TTC17: variants seen among roughly 807,000 people sequenced by gnomAD.
The protein encoded by TTC17 is tetratricopeptide repeat domain 17.
Under a neutral mutation model 143.8 loss-of-function variants are expected in TTC17, and 58 were observed. The ratio of observed to expected loss-of-function variants is 0.40; its 90% CI spans 0.33 to 0.50. The LOEUF is 0.50. Among genes scored for constraint, TTC17 ranks in the 20% least tolerant of loss-of-function variants. TTC17 has a pLI of 0.49. For missense variants in TTC17, 1,273 were observed against 1,392.5 expected, an observed-to-expected ratio of 0.91 and a Z score of 1.37; for synonymous variants, 501 against 497.8, an observed-to-expected ratio of 1.01 and a Z score of -0.09.
intron 21 of TTC17, among the ~76,000 whole-genome samples, chr11:43,470,813 CA>C (rs1948078160): frequency 6.6e-6 from 1 of 152,132 alleles, no homozygotes; most frequent in Non-Finnish European, 1.5e-5. Flanking sequence ...AATAAGTTCC[CA>C]GGTGATACTG....
At chr11:43,481,138 C>A (rs1206881316) in intron 21 of TTC17, among the ~76,000 whole-genome samples, 1 of 152,114 alleles carries the variant, frequency 6.6e-6, no homozygotes, top group Non-Finnish European at 1.5e-5. Context: ...AGAATGACTA[C>A]ATAATGATAA....
chr11:43,469,723 A>T (rs1398125716), intron 21 of TTC17, among the ~76,000 whole-genome samples: 1 of 152,232 alleles, frequency 6.6e-6, no homozygotes. Flanking sequence ...CGCATGAAAG[A>T]ACTTTCTGGA....
At chr11:43,386,525 CTG>C (rs1204384117) in intron 2 of TTC17, among the ~76,000 whole-genome samples, 4 of 152,114 alleles carry the variant, frequency 2.6e-5, no homozygotes, top group Non-Finnish European at 5.9e-5. Context: ...TGGTACTTGA[CTG>C]TAGTTGATTG....
At position 43,369,478 on chromosome 11, in the gene TTC17, AC is replaced by A. The variant is rs769613308; in HGVS notation, c.160-9754del. Among the ~76,000 whole-genome samples, 3 of 152,318 alleles carry A rather than the reference AC, an allele frequency of 2.0e-5. No homozygotes were observed. In the East Asian group the frequency reaches 5.8e-4, roughly 29 times the overall value. The stretch of plus-strand genomic sequence containing the variant: ...CCAGTTGAGGGTAAAACTTTAGAAA[AC>A]AGGGATATAAGGCCATGGAAATTCA... On this transcript the variant is annotated intron_variant, in intron 1 of 23. Transcript: ENST00000039989.
intron 16 of TTC17, among the ~76,000 whole-genome samples, chr11:43,416,542 A>G (rs775379574): frequency 6.6e-6 from 1 of 152,152 alleles, no homozygotes; most frequent in Non-Finnish European, 1.5e-5. Context: ...TGTAACCTCA[A>G]CTGGTCCAGG....
At chr11:43,373,249 TAAC>T (rs766657351) in intron 1 of TTC17, among the ~76,000 whole-genome samples, 59 of 151,984 alleles carry the variant, frequency 3.9e-4, no homozygotes, top group Non-Finnish European at 3.5e-4. Flanking sequence ...ATGAACAACA[TAAC>T]TGCTCAGAAG....
intron 21 of TTC17, among the ~76,000 whole-genome samples, chr11:43,486,952 G>C (rs926128839): frequency 6.6e-6 from 1 of 152,070 alleles, no homozygotes; most frequent in African/African-American, 2.4e-5. Flanking sequence ...AGGAGGCTGA[G>C]ACAGGAGGAT....
intron 1 of TTC17, chr11:43,378,981 A>G (rs750826452): frequency 7.1e-5 from 29 of 410,212 alleles, no homozygotes; most frequent in Non-Finnish European, 1.0e-4. Flanking sequence ...CTATTATATC[A>G]CCTGTAAAGT....
At chr11:43,482,983 T>C (rs1172433202) in intron 21 of TTC17, among the ~76,000 whole-genome samples, 1 of 151,992 alleles carries the variant, frequency 6.6e-6, no homozygotes, top group Admixed American at 6.5e-5. Flanking sequence ...AAAGTACAAA[T>C]TCTCAATATC....
chr11:43,485,071 T>C (rs916374036), intron 21 of TTC17, among the ~76,000 whole-genome samples: 33 of 152,166 alleles, frequency 2.2e-4, no homozygotes, highest in African/African-American at 7.7e-4. Flanking sequence ...AGTTGTATAA[T>C]TATTTCACAG....
At chr11:43,478,981 C>T (rs1211171201) in intron 21 of TTC17, among the ~76,000 whole-genome samples, 3 of 152,194 alleles carry the variant, frequency 2.0e-5, no homozygotes, top group Non-Finnish European at 2.9e-5. Context: ...TGGCTCACGC[C>T]TGTATTCCCA....
At chr11:43,362,149 TTGTGTGTGTGTGTGTGTGTGTGTGTG>T (rs3978779) in intron 1 of TTC17, among the ~76,000 whole-genome samples, 1 of 138,150 alleles carries the variant, frequency 7.2e-6, no homozygotes, top group Middle Eastern at 3.5e-3. Context: ...CCCGGCTAAT[TTGTGTGTGTGTGTGTGTGTGTGTGTG>T]TGTGTGTGTG....
At chr11:43,478,621 T>G (rs1218740961) in intron 21 of TTC17, among the ~76,000 whole-genome samples, 1 of 152,028 alleles carries the variant, frequency 6.6e-6, no homozygotes, top group Admixed American at 6.6e-5. Flanking sequence ...TTTATGTAAT[T>G]TAAAGTGACA....
At chr11:43,393,247 C>A (rs1393500597) in intron 5 of TTC17, among the ~76,000 whole-genome samples, 1 of 152,170 alleles carries the variant, frequency 6.6e-6, no homozygotes, top group Non-Finnish European at 1.5e-5. Flanking sequence ...AGATGCCAGT[C>A]GCAAGTCAAG....
intron 16 of TTC17, 120 bp from the exon 17 acceptor site, chr11:43,443,205 G>A (rs1947460906): frequency 9.0e-7 from 1 of 1,114,598 alleles, no homozygotes; most frequent in African/African-American, 1.6e-5. Flanking sequence ...TATTACATTG[G>A]GCTATAGTAG....
intron 18 of TTC17, among the ~76,000 whole-genome samples, chr11:43,447,350 C>CTGTGGTGG (rs1421047233): frequency 1.3e-5 from 2 of 152,106 alleles, no homozygotes; most frequent in African/African-American, 4.8e-5. Flanking sequence ...GGTTCTTGGA[C>CTGTGGTGG]TGTGGTGGTG....
intron 3 of TTC17, among the ~76,000 whole-genome samples, chr11:43,390,831 A>G (rs1450011196): frequency 6.6e-6 from 1 of 152,154 alleles, no homozygotes; most frequent in Non-Finnish European, 1.5e-5. Context: ...AAGCATATCA[A>G]AAAAATAGTA....
rs1177714622 is a variant in TTC17, at chr11:43,444,181, C to T, written c.2637C>T (p.Gly879=). The T allele has an allele frequency of 5.6e-6, 9 of 1,610,742 alleles. No homozygotes were observed. In the South Asian group the frequency reaches 8.9e-5, roughly 16 times the overall value. ...HRYQANLEIT[G]PKVASPGPQG... ...ACCAAGCAAACCTAGAGATCACTGG[C>T]CCCAAGGTGGCATCTCCTGGGCCAC... The change falls in exon 18 of 24, where the codon GGC becomes GGT. Residue 879 remains glycine (G), a synonymous_variant. Transcript: ENST00000039989.
intron 7 of TTC17, 33 bp from the exon 8 acceptor site, chr11:43,397,941 T>TGTGTGTG: frequency 6.3e-7 from 1 of 1,593,606 alleles, no homozygotes; most frequent in Non-Finnish European, 8.5e-7. Context: ...TGTGTGTGTG[T>TGTGTGTG]GTGTGTGTGT....
Sources: gnomAD v4.1 joint callset for allele counts (sites outside exome capture counted in the v4.1 genomes callset) on GRCh38, gnomAD v4.1.1 for gene constraint, MANE v1.5 for transcripts, NCBI Gene and HGNC (gene_info 2026-07-23, HGNC 2026-07-21) for gene names.